SUPT7L: variants seen among roughly 807,000 people sequenced by gnomAD.
The protein encoded by SUPT7L is SPT7 like, STAGA complex subunit gamma, also known as STAGA complex 65 subunit gamma.
A neutral mutation model predicts 35.7 loss-of-function variants in SUPT7L; 15 were observed. The observed-to-expected ratio is 0.42, with a 90% confidence interval of 0.28 to 0.65. The LOEUF is 0.65. Ranked by LOEUF, SUPT7L falls within the 30% of genes least tolerant of loss-of-function variation. The pLI is 0.23. For synonymous variants in SUPT7L, 168 were observed against 186.2 expected, an observed-to-expected ratio of 0.90 and a Z score of 0.79; for missense variants, 434 against 522.2, an observed-to-expected ratio of 0.83 and a Z score of 1.65.
At chr2:27,655,669 C>A in intron 4 of SUPT7L, 67 bp from the exon 5 acceptor site, 1 of 1,356,204 alleles carries the variant, frequency 7.4e-7, no homozygotes, top group Non-Finnish European at 1.0e-6. Flanking sequence ...CAGCTTGTGA[C>A]GTCCCATGGA....
At chr2:27,658,654 T>A (rs1460297296) in intron 3 of SUPT7L, among the ~76,000 whole-genome samples, 1 of 152,230 alleles carries the variant, frequency 6.6e-6, no homozygotes, top group Non-Finnish European at 1.5e-5. Flanking sequence ...AGTGCCTGAG[T>A]GGTTATCCAC....
chr2:27,661,692 G>A (rs1159031110), intron 2 of SUPT7L: 1 of 1,207,888 alleles, frequency 8.3e-7, no homozygotes, highest in African/African-American at 1.6e-5. Flanking sequence ...GGTAGAATTT[G>A]GGTCATTAGT....
At chr2:27,655,999 G>A (rs1674790364) in intron 4 of SUPT7L, among the ~76,000 whole-genome samples, 1 of 151,040 alleles carries the variant, frequency 6.6e-6, no homozygotes, top group African/African-American at 2.4e-5. Context: ...AGCTTGGGCA[G>A]TATCTAGTGA....
chr2:27,649,266 A>G (rs1558494097), downstream of SUPT7L, among the ~76,000 whole-genome samples: 1 of 151,338 alleles, frequency 6.6e-6, no homozygotes, highest in African/African-American at 2.4e-5. Context: ...CAAACAAACA[A>G]ACAAAAAAAC....
In SUPT7L at chr2:27,660,800, C is replaced by A. The variant is rs1261272513; in HGVS notation, c.419+184G>T. Among the ~76,000 whole-genome samples, 6 of 152,152 alleles carry A rather than the reference C, an allele frequency of 3.9e-5. No individual in the cohort carries two copies. In the East Asian group the frequency reaches 1.2e-3, roughly 29 times the overall value. On this transcript the variant is annotated intron_variant, in intron 3 of 5. Coordinates refer to ENST00000337768, the MANE Select transcript of SUPT7L (RefSeq NM_014860.3). ...CTCAAAAAATTAAAAAATACAGACCCTGAATTCTGAAGACTGGCATTCAAA... is the reference window on the plus strand; with the variant it reads ...CTCAAAAAATTAAAAAATACAGACCATGAATTCTGAAGACTGGCATTCAAA...
chr2:27,654,105 G>GTCCT (rs1156759246), intron 5 of SUPT7L, among the ~76,000 whole-genome samples: 2 of 152,110 alleles, frequency 1.3e-5, no homozygotes, highest in East Asian at 1.9e-4. Context: ...TAGTTTGCCT[G>GTCCT]TCCTTCCTTC....
chr2:27,660,501 G>A (rs1438896597), intron 3 of SUPT7L, among the ~76,000 whole-genome samples: 1 of 152,110 alleles, frequency 6.6e-6, no homozygotes, highest in Non-Finnish European at 1.5e-5. Context: ...TGGGGTTACA[G>A]GCATGAACCA....
chr2:27,655,113 C>A (rs1235512317), intron 5 of SUPT7L, among the ~76,000 whole-genome samples: 2 of 152,230 alleles, frequency 1.3e-5, no homozygotes, highest in Non-Finnish European at 2.9e-5. Flanking sequence ...CGTGACAACA[C>A]ATTGCATCTA....
In SUPT7L at chr2:27,653,635, G is replaced by A. The variant is rs1020897801; in HGVS notation, c.1095C>T (p.Phe365=). The A allele has an allele frequency of 3.7e-6, 6 of 1,614,050 alleles. No individual in the cohort carries two copies. Among genetic ancestry groups the A allele is most frequent in the Non-Finnish European group, 1.7e-6 (2 of 1,180,044 alleles). ...CACTCATGCCTGACATAGGCTCCTC[G>A]AAGACATCACTGCCCAGCACACCAT... The part of the protein sequence containing the change: ...SGHGVLGSDV[F]EEPMSGMSEA... Residue 365 remains phenylalanine (F), a synonymous_variant, in exon 6 of 6, where the codon TTC becomes TTT. Transcript: ENST00000337768.
the SUPT7L span, among the ~76,000 whole-genome samples, chr2:27,642,954 T>C: frequency 0.018 from 834 of 46,766 alleles, 7 homozygotes; most frequent in African/African-American, 0.034. Flanking sequence ...TATATATATA[T>C]ATATACACAC....
At chr2:27,645,950 G>A (rs565928728), downstream of SUPT7L, among the ~76,000 whole-genome samples, 76 of 152,104 alleles carry the variant, frequency 5.0e-4, no homozygotes, top group African/African-American at 1.7e-3. Flanking sequence ...GGCTGGTCTC[G>A]AACTCCTGGG....
chr2:27,654,005 C>G (rs1180093588), intron 5 of SUPT7L, among the ~76,000 whole-genome samples: 2 of 152,172 alleles, frequency 1.3e-5, no homozygotes, highest in East Asian at 3.8e-4. Flanking sequence ...CCCATTTCCC[C>G]TAAACCAGGG....
At position 27,657,778 on chromosome 2, in the gene SUPT7L, A is replaced by G; in HGVS notation, c.420-109T>C. 9.2e-7 allele frequency: 1 copy of G among 1,084,648 alleles called. No individual in the cohort carries two copies. The highest frequency in any genetic ancestry group is 1.3e-6 in the Non-Finnish European group (1 of 770,102). 67.2% of individuals were successfully genotyped at this position (1,084,648 alleles called of 1,614,324 possible). ...AGTCAAGCCACTGGCCTAGCTTTCC[A>G]GGGAAATTCCATCCAAGTTACATAG... On this transcript the variant is annotated intron_variant, in intron 3 of 5. Transcript: ENST00000337768. This position sits in a 1 kb window ranked among gnomAD's most constrained non-coding sequence, Gnocchi z 5.2.
At chr2:27,661,908 T>C (rs1278819670) in intron 2 of SUPT7L, 4 of 524,220 alleles carry the variant, frequency 7.6e-6, no homozygotes, top group Non-Finnish European at 1.4e-5. Context: ...CTGTGTGTCT[T>C]AGGCATGATC....
chr2:27,650,067 T>C (rs1251532235), downstream of SUPT7L: 1 of 1,015,196 alleles, frequency 9.9e-7, no homozygotes, highest in East Asian at 2.4e-5. Flanking sequence ...CTCTAATCAG[T>C]TTGTCTAATG....
In SUPT7L at chr2:27,652,137, G is replaced by C. The variant is rs1674584418; in HGVS notation, c.*1348C>G. ...CACTCCAGCCTGGGTGACAGAGCAA[G>C]ACTCCATCTCAAAAATAAATAAATA... is the stretch of plus-strand genomic sequence containing the variant. On this transcript the variant is annotated 3_prime_UTR_variant, in exon 6 of 6. Transcript: ENST00000337768. 1 of 150,710 alleles carries C rather than the reference G, an allele frequency of 6.6e-6. No individual in the cohort carries two copies. Among genetic ancestry groups the C allele is most frequent in the South Asian group, 2.1e-4 (1 of 4,710 alleles). 9.3% of individuals were successfully genotyped at this position (150,710 alleles called of 1,614,324 possible).
Position 27,652,911 on chromosome 2 carries a change from TATAA to T in SUPT7L, c.*570_*573del, listed in dbSNP as rs1423085505. The T allele has an allele frequency of 6.5e-6, 1 of 154,076 alleles. No individual in the cohort carries two copies. The highest frequency in any genetic ancestry group is 1.4e-5 in the Non-Finnish European group (1 of 69,254). 9.5% of individuals were successfully genotyped at this position (154,076 alleles called of 1,614,324 possible). ...AAAAAAGGTGTCAGACCTCTGATCTTATAAATAAGACACTTCAAAAGTAGCAAAA... is the reference window on the plus strand; with the variant it reads ...AAAAAAGGTGTCAGACCTCTGATCTTATAAGACACTTCAAAAGTAGCAAAA... On this transcript the variant is annotated 3_prime_UTR_variant, in exon 6 of 6. Coordinates refer to ENST00000337768, the MANE Select transcript of SUPT7L (RefSeq NM_014860.3).
At position 27,663,406 on chromosome 2, in the gene SUPT7L, C is replaced by T. The variant is rs950743174; in HGVS notation, c.-167G>A. On this transcript the variant is annotated 5_prime_UTR_variant, in exon 1 of 6. Transcript: ENST00000337768. ...CAGGGGTTTCCTCGGTCACGGTCCGCCGGCGCAGGCGCCAATCACAGGGTC... is the reference window on the plus strand; with the variant it reads ...CAGGGGTTTCCTCGGTCACGGTCCGTCGGCGCAGGCGCCAATCACAGGGTC... 3 of 232,504 alleles carry T rather than the reference C, an allele frequency of 1.3e-5. No homozygotes were observed. The highest frequency in any genetic ancestry group is 2.3e-5 in the African/African-American group (1 of 43,986). 14.4% of individuals were successfully genotyped at this position (232,504 alleles called of 1,614,324 possible). A position where few individuals can be genotyped will look rare whatever the true frequency, so the allele number is the denominator to read the frequency against.
In SUPT7L at chr2:27,653,336, T is replaced by C. The variant is rs1024222204; in HGVS notation, c.*149A>G. 2.6e-6 allele frequency: 3 copies of C among 1,151,836 alleles called. No homozygotes were observed. The African/African-American group carries it at 4.6e-5, about 18-fold the overall frequency. The allele number at this position is 1,151,836 out of a possible 1,614,324, so 71.4% of individuals were successfully genotyped here. The stretch of plus-strand genomic sequence containing the variant: ...ATGCAAAAGTAAAATGCAACCTTGT[T>C]TGGTGACGTCCAGTTCCTCTGGAAT... On this transcript the variant is annotated 3_prime_UTR_variant, in exon 6 of 6. Transcript: ENST00000337768.
Sources: gnomAD v4.1 joint callset for allele counts (sites outside exome capture counted in the v4.1 genomes callset) on GRCh38, gnomAD v4.1.1 for gene constraint, Gnocchi (gnomAD v3.1) non-coding constraint, MANE v1.5 for transcripts, NCBI Gene and HGNC (gene_info 2026-07-23, HGNC 2026-07-21) for gene names.